PCDH11X: variants seen among roughly 807,000 people sequenced by gnomAD.
The protein encoded by PCDH11X is protocadherin 11 X-linked.
In PCDH11X, 18 loss-of-function variants were observed where a neutral mutation model predicts 53.3. That is an observed-to-expected ratio of 0.34 (90% CI 0.23 to 0.50). PCDH11X has a LOEUF of 0.50. PCDH11X is among the 20% of genes least tolerant of loss of function. The pLI, the probability that PCDH11X is intolerant of heterozygous loss-of-function variation, is 0.98. For synonymous variants in PCDH11X, 279 were observed against 393.3 expected (o/e 0.71, Z 3.44); for missense variants, 570 against 1,032.4 (o/e 0.55, Z 6.14).
intron 9 of PCDH11X, among the ~76,000 whole-genome samples, chrX:92,401,060 A>G (rs2071377372): frequency 9.4e-6 from 1 of 105,906 alleles, no homozygotes; most frequent in South Asian, 4.6e-4. Context: ...GCATTCTCAA[A>G]TTAACCATCC....
chrX:92,335,875 A>G lies in PCDH11X; in HGVS notation c.3145-51860A>G, dbSNP rs919491709. ...TAAAATATTTACAACAGTGATCACG[A>G]TTTGACAGTTAATACCTACCTTTTC... On this transcript the variant is annotated intron_variant, in intron 8 of 10. Coordinates refer to ENST00000682573, the MANE Select transcript of PCDH11X (RefSeq NM_032968.5). 7.1e-5 allele frequency among the ~76,000 whole-genome samples: 8 copies of G among 111,988 alleles called. 1 individual carries two copies. The highest frequency in any genetic ancestry group is 2.8e-4 in the Admixed American group (3 of 10,529).
At chrX:92,258,575 G>C (rs2067647579) in intron 7 of PCDH11X, among the ~76,000 whole-genome samples, 1 of 110,096 alleles carries the variant, frequency 9.1e-6, no homozygotes, top group East Asian at 2.9e-4. Flanking sequence ...CACTGTGTTA[G>C]CCAGGATGGT....
chrX:92,275,313 A>G (rs2068061273), intron 8 of PCDH11X, among the ~76,000 whole-genome samples: 1 of 101,994 alleles, frequency 9.8e-6, no homozygotes, highest in South Asian at 4.5e-4. Context: ...GGTTTGGGAG[A>G]TTAATTGGAC....
At chrX:91,844,335 CACT>C (rs779294163) in intron 5 of PCDH11X, among the ~76,000 whole-genome samples, 6 of 110,358 alleles carry the variant, frequency 5.4e-5, no homozygotes, top group Non-Finnish European at 9.5e-5. Context: ...TTAAGTCTTC[CACT>C]TACCCTCTTT....
At chrX:92,041,019 TG>T (rs1569322888) in intron 6 of PCDH11X, among the ~76,000 whole-genome samples, 1 of 108,101 alleles carries the variant, frequency 9.3e-6, no homozygotes, top group East Asian at 2.9e-4. Context: ...ATGGGATACT[TG>T]TGAGTATTTG....
rs192543856 is a variant in PCDH11X, at chrX:91,811,627, G to A, written c.-45+332G>A. 1.1e-3 allele frequency among the ~76,000 whole-genome samples: 121 copies of A among 110,590 alleles called. 1 individual carries two copies. The East Asian group carries it at 0.029, about 27-fold the overall frequency. The stretch of plus-strand genomic sequence containing the variant: ...TCTAAAGAATTGACAGTTTACTGAC[G>A]GTAAACAATGAAGTTGTAAAGGCCC... On this transcript the variant is annotated intron_variant, in intron 4 of 10. Transcript: ENST00000682573.
Position 92,390,643 on chromosome X carries a change from G to A in PCDH11X, c.3343+2710G>A, listed in dbSNP as rs188507616. On this transcript the variant is annotated intron_variant, in intron 9 of 10. Transcript: ENST00000682573. ...CAGAGGAAATAAATGCTGTCCTTAAGCAATGGAATTAATTTATGCAGTTCC... is the reference window on the plus strand; with the variant it reads ...CAGAGGAAATAAATGCTGTCCTTAAACAATGGAATTAATTTATGCAGTTCC... Among the ~76,000 whole-genome samples the A allele has an allele frequency of 9.1e-5, 9 of 98,472 alleles. No homozygotes were observed. In the East Asian group the frequency reaches 2.9e-3, roughly 32 times the overall value. 85.5% of individuals were successfully genotyped at this position (98,472 alleles called of 115,157 possible).
At chrX:92,466,274 G>C (rs946476494) in intron 9 of PCDH11X, among the ~76,000 whole-genome samples, 18 of 110,853 alleles carry the variant, frequency 1.6e-4, no homozygotes, top group Non-Finnish European at 1.7e-4. Context: ...ATGCTGACCT[G>C]TTTACCACAA....
At chrX:92,305,494 C>A (rs1297757870) in intron 8 of PCDH11X, among the ~76,000 whole-genome samples, 1 of 110,004 alleles carries the variant, frequency 9.1e-6, no homozygotes, top group Non-Finnish European at 1.9e-5. Flanking sequence ...ATTTGGACTT[C>A]CTCTTCTTAT....
At chrX:91,880,077 C>T (rs1939822846) in intron 6 of PCDH11X, 9 of 287,166 alleles carry the variant, frequency 3.1e-5, no homozygotes, top group Non-Finnish European at 4.1e-5. Context: ...ATGTTAAGAC[C>T]CAAGAAATCT....
intron 8 of PCDH11X, among the ~76,000 whole-genome samples, chrX:92,282,892 A>C (rs2068280924): frequency 9.0e-6 from 1 of 111,638 alleles, no homozygotes; most frequent in African/African-American, 3.2e-5. Context: ...AAATTTAAAA[A>C]GACACACAAA....
At chrX:92,431,272 G>A (rs1051174238) in intron 9 of PCDH11X, among the ~76,000 whole-genome samples, 17 of 110,193 alleles carry the variant, frequency 1.5e-4, no homozygotes, top group Middle Eastern at 4.7e-3. Context: ...TTTATTTGTA[G>A]ACAGGAACTT....
rs142041651 is a variant in PCDH11X at position 92,169,940 on chromosome X, G to A, written c.3034-31435G>A. 9.3e-3 allele frequency among the ~76,000 whole-genome samples: 1,026 copies of A among 110,848 alleles called. 14 individuals are homozygous for A. Among genetic ancestry groups the A allele is most frequent in the African/African-American group, 0.032 (976 of 30,545 alleles). On this transcript the variant is annotated intron_variant, in intron 6 of 10. Coordinates refer to ENST00000682573, the MANE Select transcript of PCDH11X (RefSeq NM_032968.5). ...TAATAGCCACTTTTTATAGCATCAG[G>A]GTATGAACAGAGGGCCATGGAAATC...
At position 92,552,373 on chromosome X, in the gene PCDH11X, T is replaced by C. The variant is rs1056005208; in HGVS notation, c.3368-65891T>C. Among the ~76,000 whole-genome samples the C allele has an allele frequency of 1.7e-3, 189 of 108,110 alleles. 1 individual carries two copies. Among genetic ancestry groups the C allele is most frequent in the Non-Finnish European group, 3.0e-3 (157 of 51,923 alleles). The allele number at this position is 108,110 out of a possible 115,157, so 93.9% of individuals were successfully genotyped here. On this transcript the variant is annotated intron_variant, in intron 10 of 10. Transcript: ENST00000682573. ...CCTTGTTGGCATATAAAAATACTAC[T>C]GCATGTTAATTTTTTATCCTGCAAC...
At chrX:92,178,289 A>G (rs2065941960) in intron 6 of PCDH11X, among the ~76,000 whole-genome samples, 1 of 111,753 alleles carries the variant, frequency 8.9e-6, no homozygotes, top group African/African-American at 3.2e-5. Context: ...CAGAACAGTG[A>G]ATGTTCTTCA....
intron 4 of PCDH11X, chrX:91,834,594 T>G (rs2147615258): frequency 9.1e-6 from 1 of 110,360 alleles, no homozygotes; most frequent in South Asian, 3.9e-4. Context: ...AGTCTAACTC[T>G]CCCATTGAAT....
At chrX:91,821,632 G>T (rs1255192380) in intron 4 of PCDH11X, among the ~76,000 whole-genome samples, 1 of 105,574 alleles carries the variant, frequency 9.5e-6, no homozygotes, top group Non-Finnish European at 1.9e-5. Flanking sequence ...GGGACAATTT[G>T]ACTTCCTCTT....
In PCDH11X at chrX:92,393,859, A is replaced by G. The variant is rs770029576; in HGVS notation, c.3343+5926A>G. ...GTTTTTATAATAAATGTGCTTAGGC[A>G]GGTATAAACAGTGATCTGATAGCAG... is the stretch of plus-strand genomic sequence containing the variant. On this transcript the variant is annotated intron_variant, in intron 9 of 10. Coordinates refer to ENST00000682573, the MANE Select transcript of PCDH11X (RefSeq NM_032968.5). 5.9e-3 allele frequency among the ~76,000 whole-genome samples: 661 copies of G among 111,295 alleles called. 15 individuals are homozygous for G. The highest frequency in any genetic ancestry group is 0.021 in the African/African-American group (643 of 30,530).
At chrX:91,995,959 C>G (rs1354408079) in intron 6 of PCDH11X, among the ~76,000 whole-genome samples, 2 of 104,121 alleles carry the variant, frequency 1.9e-5, no homozygotes, top group Non-Finnish European at 3.9e-5. Flanking sequence ...ATGCCATTCT[C>G]CTGCCTCAGC....
Sources: gnomAD v4.1 joint callset for allele counts (sites outside exome capture counted in the v4.1 genomes callset) on GRCh38, gnomAD v4.1.1 for gene constraint, MANE v1.5 for transcripts, NCBI Gene and HGNC (gene_info 2026-07-23, HGNC 2026-07-21) for gene names.